The following UBE3C variants were observed in gnomAD, a reference collection of about 807,000 sequenced individuals.
UBE3C encodes the protein ubiquitin protein ligase E3C.
In UBE3C, 42 loss-of-function variants were observed where a neutral mutation model predicts 129.4. That is an observed-to-expected ratio of 0.32 (90% CI 0.25 to 0.42). The LOEUF is 0.42. Among genes scored for constraint, UBE3C ranks in the 10% least tolerant of loss-of-function variants. UBE3C has a pLI of 1.00. For synonymous variants in UBE3C, 510 were observed against 492.4 expected, an observed-to-expected ratio of 1.04 and a Z score of -0.47; for missense variants, 1,049 against 1,319.1, an observed-to-expected ratio of 0.80 and a Z score of 3.17.
intron 19 of UBE3C, among the ~76,000 whole-genome samples, chr7:157,252,903 G>GT (rs895576762): frequency 3.4e-4 from 52 of 152,152 alleles, no homozygotes; most frequent in Non-Finnish European, 5.7e-4. Flanking sequence ...TGTTTTTGTT[G>GT]TTTTTTTGTT....
intron 10 of UBE3C, among the ~76,000 whole-genome samples, chr7:157,189,592 T>C (rs748884121): frequency 5.9e-5 from 9 of 152,356 alleles, no homozygotes; most frequent in East Asian, 1.9e-4. Flanking sequence ...AGATGAGGCC[T>C]GCGGTGCCCA....
At chr7:157,240,967 G>T (rs1043893085) in intron 18 of UBE3C, among the ~76,000 whole-genome samples, 3 of 152,162 alleles carry the variant, frequency 2.0e-5, no homozygotes, top group Non-Finnish European at 4.4e-5. Context: ...TGAATTAAGG[G>T]GCAGTGACTG....
chr7:157,258,251 T>A (rs932992123), intron 22 of UBE3C, among the ~76,000 whole-genome samples: 4 of 152,004 alleles, frequency 2.6e-5, no homozygotes, highest in Non-Finnish European at 5.9e-5. Context: ...CATGCCCAGC[T>A]GGCATTCACC....
intron 13 of UBE3C, among the ~76,000 whole-genome samples, chr7:157,213,983 T>C (rs1809665799): frequency 6.6e-6 from 1 of 152,206 alleles, no homozygotes; most frequent in South Asian, 2.1e-4. Flanking sequence ...TATAAACATA[T>C]TATTTGATGT....
At chr7:157,164,821 A>T (rs1277946333) in intron 2 of UBE3C, among the ~76,000 whole-genome samples, 1 of 152,172 alleles carries the variant, frequency 6.6e-6, no homozygotes, top group African/African-American at 2.4e-5. Context: ...TGAGGTGGTG[A>T]CAAAACCTGT....
chr7:157,261,309 A>G (rs1324903238), intron 22 of UBE3C, among the ~76,000 whole-genome samples: 834 of 3,730 alleles, frequency 0.22, 101 homozygotes, highest in South Asian at 0.44. Context: ...TCTGTCTGAA[A>G]AAAAAAAAAA....
intron 18 of UBE3C, among the ~76,000 whole-genome samples, chr7:157,245,532 A>T (rs1299615832): frequency 6.6e-6 from 1 of 152,232 alleles, no homozygotes; most frequent in East Asian, 1.9e-4. Flanking sequence ...CTTTCTTTAC[A>T]TTATCAGGAG....
At chr7:157,165,019 C>T (rs1350418559) in intron 2 of UBE3C, among the ~76,000 whole-genome samples, 2 of 152,140 alleles carry the variant, frequency 1.3e-5, no homozygotes, top group African/African-American at 2.4e-5. Flanking sequence ...GGATGTTTAG[C>T]AACACCCATG....
Position 157,230,990 on chromosome 7 carries a change from C to A in UBE3C, c.2234-90C>A, listed in dbSNP as rs574218796. ...TTAAAATGTCCCTAAGATCCTCACA[C>A]CCCTTCCTTAAGCCTTCCTGTAAGG... On this transcript the variant is annotated intron_variant, in intron 17 of 22. Transcript: ENST00000348165. 7.2e-5 allele frequency: 110 copies of A among 1,524,944 alleles called. No individual in the cohort carries two copies. The African/African-American group carries it at 1.4e-3, about 19-fold the overall frequency. The allele number at this position is 1,524,944 out of a possible 1,614,324, so 94.5% of individuals were successfully genotyped here. A position where few individuals can be genotyped will look rare whatever the true frequency, so the allele number is the denominator to read the frequency against.
In UBE3C at chr7:157,154,804, G is replaced by T. The variant is rs533862033; in HGVS notation, c.67-9006G>T. On this transcript the variant is annotated intron_variant, in intron 1 of 22. Transcript: ENST00000348165. ...AGAAGGAACAAAGAAATCTATAACT[G>T]GTTGTAGTCAGACTTTATTTTTAAA... Among the ~76,000 whole-genome samples the T allele has an allele frequency of 1.1e-4, 16 of 152,214 alleles. No homozygotes were observed. The South Asian group carries it at 3.3e-3, about 32-fold the overall frequency.
In UBE3C at chr7:157,181,585, A is replaced by C. The variant is rs766570796; in HGVS notation, c.684A>C (p.Leu228Phe). 1 of 1,613,734 alleles carries C rather than the reference A, an allele frequency of 6.2e-7. No individual in the cohort carries two copies. Among genetic ancestry groups the C allele is most frequent in the Non-Finnish European group, 8.5e-7 (1 of 1,179,882 alleles). Residue 228 changes from leucine (L) to phenylalanine (F), a missense_variant, in exon 7 of 23, where the codon TTA (leucine) becomes TTC (phenylalanine). Around this residue, in one of 4 missense-constraint regions of UBE3C, gnomAD observed 489 missense variants for 513.8 expected, o/e 0.95. Coordinates refer to ENST00000348165, the MANE Select transcript of UBE3C (RefSeq NM_014671.3). The part of the protein sequence containing the change: ...KLPSSIEYSD[L>F]SRVPIAKILL... Reference sequence around the variant, plus strand: ...CATCAAGTATTGAATATTCTGATTTATCTCGAGTTCCTATAGCAAAAATTT... The same window carrying C: ...CATCAAGTATTGAATATTCTGATTTCTCTCGAGTTCCTATAGCAAAAATTT...
rs1796359572 is a variant in UBE3C at position 157,242,515 on chromosome 7, T to TG, written c.2482-5853_2482-5852insG. On this transcript the variant is annotated intron_variant, in intron 18 of 22. Coordinates refer to ENST00000348165, the MANE Select transcript of UBE3C (RefSeq NM_014671.3). Reference sequence around the variant, plus strand: ...GTACCTTGAGACTGAGCCTGAGTTGTTTTTTTTTTTTTTTTTTTTTTTAAA... The same window carrying TG: ...GTACCTTGAGACTGAGCCTGAGTTGTGTTTTTTTTTTTTTTTTTTTTTTAAA... Among the ~76,000 whole-genome samples, 6 of 87,056 alleles carry TG rather than the reference T, an allele frequency of 6.9e-5. No homozygotes were observed. In the South Asian group the frequency reaches 2.0e-3, roughly 29 times the overall value. 57.1% of individuals were successfully genotyped at this position (87,056 alleles called of 152,430 possible). A position where few individuals can be genotyped will look rare whatever the true frequency, so the allele number is the denominator to read the frequency against.
Position 157,195,703 on chromosome 7 carries a change from A to G in UBE3C, c.1332-6018A>G, listed in dbSNP as rs1489697732. ...CACACCCAGATCCTCTCCCAAATTT[A>G]GATGGCTTTAGTGTGAGATTTGAGA... is the stretch of plus-strand genomic sequence containing the variant. On this transcript the variant is annotated intron_variant, in intron 10 of 22. Transcript: ENST00000348165. 4.6e-5 allele frequency among the ~76,000 whole-genome samples: 7 copies of G among 152,230 alleles called. No individual in the cohort carries two copies. The East Asian group carries it at 1.3e-3, about 29-fold the overall frequency.
intron 10 of UBE3C, chr7:157,192,726 C>G (rs1809005618): frequency 1.2e-6 from 1 of 851,910 alleles, no homozygotes; most frequent in Non-Finnish European, 2.0e-6. Flanking sequence ...TCGAGAGTGC[C>G]CTTCTGATGA....
At chr7:157,170,145 A>AT (rs1232424747) in intron 3 of UBE3C, among the ~76,000 whole-genome samples, 159 bp from the exon 4 acceptor site, 8 of 134,546 alleles carry the variant, frequency 5.9e-5, no homozygotes, top group South Asian at 2.3e-4. Flanking sequence ...CTTTTTAACC[A>AT]TTTTTTTTCT....
intron 10 of UBE3C, among the ~76,000 whole-genome samples, chr7:157,193,894 C>G (rs1488949478): frequency 1.3e-5 from 2 of 152,128 alleles, no homozygotes; most frequent in Non-Finnish European, 2.9e-5. Context: ...CTGTTCATCC[C>G]TCCTGGATGT....
chr7:157,236,056 T>C (rs971601861), intron 18 of UBE3C, among the ~76,000 whole-genome samples: 5 of 152,228 alleles, frequency 3.3e-5, no homozygotes, highest in Non-Finnish European at 7.3e-5. Context: ...TGCAAAGAGG[T>C]CTTCAAGAGT....
intron 18 of UBE3C, among the ~76,000 whole-genome samples, chr7:157,244,176 G>A (rs1796417067): frequency 6.6e-6 from 1 of 152,164 alleles, no homozygotes; most frequent in Non-Finnish European, 1.5e-5. Context: ...GTTGCAGTGA[G>A]CTGAGATCGT....
intron 1 of UBE3C, among the ~76,000 whole-genome samples, chr7:157,155,289 G>A (rs1490759655): frequency 6.6e-6 from 1 of 151,984 alleles, no homozygotes; most frequent in African/African-American, 2.4e-5. Context: ...TGTATAAAAT[G>A]GCTAGCATTA....
Sources: allele counts gnomAD v4.1 joint callset (sites outside exome capture counted in the v4.1 genomes callset), GRCh38; gene constraint gnomAD v4.1.1; regional missense constraint gnomAD v4.1.1; transcripts MANE v1.5; gene names NCBI Gene and HGNC (gene_info 2026-07-23, HGNC 2026-07-21).